GLI3: variants seen among roughly 807,000 people sequenced by gnomAD.
GLI3 encodes transcription activator GLI3.
GLI3 carries 20 observed loss-of-function variants against 100.8 expected under a neutral mutation model. That is an observed-to-expected ratio of 0.20 (90% CI 0.14 to 0.29). The LOEUF (loss-of-function observed/expected upper bound fraction) is 0.29. Ranked by LOEUF, GLI3 falls within the 10% of genes least tolerant of loss-of-function variation. GLI3 has a pLI of 1.00. For missense variants in GLI3, 2,040 were observed against 2,128.5 expected, an observed-to-expected ratio of 0.96 and a Z score of 0.82; for synonymous variants, 938 against 860.5, an observed-to-expected ratio of 1.09 and a Z score of -1.58.
chr7:42,095,763 G>A (rs2128759299), intron 3 of GLI3, among the ~76,000 whole-genome samples: 1 of 152,320 alleles, frequency 6.6e-6, no homozygotes, highest in African/African-American at 2.4e-5. Flanking sequence ...ACCACAGCCA[G>A]GCTCCTGGTA....
At chr7:42,106,800 T>C (rs1785586303) in intron 3 of GLI3, among the ~76,000 whole-genome samples, 1 of 152,054 alleles carries the variant, frequency 6.6e-6, no homozygotes, top group African/African-American at 2.4e-5. Context: ...CTCTGGGAAT[T>C]GTTTGCTATT....
chr7:42,072,362 C>T (rs558799637), intron 4 of GLI3, among the ~76,000 whole-genome samples: 195 of 152,232 alleles, frequency 1.3e-3, no homozygotes, highest in Non-Finnish European at 1.8e-3. Context: ...CAAGAAAAAT[C>T]CAAAATGAAT....
chr7:42,120,582 C>T (rs959426580), intron 3 of GLI3, among the ~76,000 whole-genome samples: 2 of 152,176 alleles, frequency 1.3e-5, no homozygotes, highest in Non-Finnish European at 2.9e-5. Flanking sequence ...CTGTTTATTA[C>T]CCCCTCTCCT....
At chr7:42,083,070 T>C (rs556233960) in intron 3 of GLI3, among the ~76,000 whole-genome samples, 4 of 152,328 alleles carry the variant, frequency 2.6e-5, no homozygotes, top group African/African-American at 9.6e-5. Flanking sequence ...CTCTTCATTA[T>C]TTTAAAATGT....
intron 3 of GLI3, among the ~76,000 whole-genome samples, chr7:42,097,848 G>T (rs1481067347): frequency 6.6e-6 from 1 of 152,074 alleles, no homozygotes; most frequent in African/African-American, 2.4e-5. Context: ...GTGGACAGAT[G>T]TCAGGGTATA....
chr7:42,033,959 G>C (rs540168106), intron 7 of GLI3, among the ~76,000 whole-genome samples: 6 of 152,152 alleles, frequency 3.9e-5, no homozygotes, highest in Non-Finnish European at 8.8e-5. Context: ...TATGCTCTCT[G>C]AATAATGCTT....
At chr7:41,968,743 AGAAAGAAAGAAAGAAAGAAG>A (rs1787277668) in intron 13 of GLI3, among the ~76,000 whole-genome samples, 127 of 129,814 alleles carry the variant, frequency 9.8e-4, no homozygotes, top group Non-Finnish European at 1.6e-3. Context: ...AAAGAAAGAA[AGAAAGAAAGAAAGAAAGAAG>A]GAAAGAAAGA....
At chr7:42,017,215 T>C (rs1788789414) in intron 10 of GLI3, among the ~76,000 whole-genome samples, 1 of 152,214 alleles carries the variant, frequency 6.6e-6, no homozygotes, top group Non-Finnish European at 1.5e-5. Context: ...TTCCCACTTG[T>C]CTGGAGTGGA....
chr7:42,060,996 A>G (rs1441612405), intron 4 of GLI3, among the ~76,000 whole-genome samples: 2 of 152,220 alleles, frequency 1.3e-5, no homozygotes, highest in Non-Finnish European at 2.9e-5. Flanking sequence ...TCATGTTTGT[A>G]TCATTTACAT....
intron 2 of GLI3, chr7:42,172,692 A>C (rs1423162060): frequency 4.3e-6 from 3 of 699,044 alleles, no homozygotes; most frequent in African/African-American, 1.8e-5. Flanking sequence ...GTTGCCTGGG[A>C]GAAGGGGATG....
Position 41,966,733 on chromosome 7 carries a change from C to T in GLI3, c.2432-92G>A, listed in dbSNP as rs979913477. ...ATGAGCAACCCTTTTCTGTAAAGGG[C>T]CAGCTAGGAACTATTTCTGGTGTCC... On this transcript the variant is annotated intron_variant, in intron 14 of 14. Transcript: ENST00000395925. The surrounding 1 kb of genome is among the most constrained non-coding windows in gnomAD (Gnocchi z 5.8). 3.1e-6 allele frequency: 4 copies of T among 1,287,498 alleles called. No homozygotes were observed. The highest frequency in any genetic ancestry group is 1.5e-5 in the African/African-American group (1 of 68,786). The allele number at this position is 1,287,498 out of a possible 1,614,324, so 79.8% of individuals were successfully genotyped here.
chr7:42,212,757 A>C (rs1788295143), intron 2 of GLI3, among the ~76,000 whole-genome samples: 1 of 152,240 alleles, frequency 6.6e-6, no homozygotes, highest in African/African-American at 2.4e-5. Context: ...TTTCAAGCTC[A>C]GATGGGATGG....
At chr7:42,175,947 G>A (rs1787471763) in intron 2 of GLI3, among the ~76,000 whole-genome samples, 1 of 152,060 alleles carries the variant, frequency 6.6e-6, no homozygotes, top group East Asian at 1.9e-4. Flanking sequence ...AGCAAAGCCA[G>A]AAATTAAGCC....
At chr7:42,071,223 G>A (rs1784778205) in intron 4 of GLI3, among the ~76,000 whole-genome samples, 1 of 151,942 alleles carries the variant, frequency 6.6e-6, no homozygotes, top group Non-Finnish European at 1.5e-5. Context: ...TTTTGGGGGG[G>A]CGGTGGGGAG....
intron 10 of GLI3, among the ~76,000 whole-genome samples, chr7:41,981,978 T>G (rs1787680886): frequency 6.6e-6 from 1 of 152,162 alleles, no homozygotes; most frequent in Admixed American, 6.5e-5. Flanking sequence ...ACACCCTTGC[T>G]GTTGTCTCCA....
At chr7:42,094,022 A>G (rs1393833485) in intron 3 of GLI3, among the ~76,000 whole-genome samples, 1 of 152,054 alleles carries the variant, frequency 6.6e-6, no homozygotes. Context: ...GAAGGGCGCA[A>G]AAGTCAAGCA....
chr7:42,040,388 G>C (rs1465636918), intron 6 of GLI3, 149 bp from the exon 7 acceptor site: 7 of 690,406 alleles, frequency 1.0e-5, no homozygotes, highest in African/African-American at 1.8e-5. Context: ...TGATCTACTA[G>C]CTACAGTTGA....
rs144857108 is a variant in GLI3 at position 42,113,740 on chromosome 7, C to T, written c.367+34486G>A. ...GTTTTACTTTAAGCTATGTTGTTAG[C>T]ACACAGAACACTTCATTGTTGTTTT... is the stretch of plus-strand genomic sequence containing the variant. On this transcript the variant is annotated intron_variant, in intron 3 of 14. Coordinates refer to ENST00000395925, the MANE Select transcript of GLI3 (RefSeq NM_000168.6). The T allele has an allele frequency of 1.5e-5, 9 of 587,174 alleles. No homozygotes were observed. In the East Asian group the frequency reaches 3.0e-4, roughly 19 times the overall value. The allele number at this position is 587,174 out of a possible 1,614,324, so 36.4% of individuals were successfully genotyped here. A position where few individuals can be genotyped will look rare whatever the true frequency, so the allele number is the denominator to read the frequency against.
chr7:41,997,358 C>A (rs1409470150), intron 10 of GLI3, among the ~76,000 whole-genome samples: 2 of 152,098 alleles, frequency 1.3e-5, no homozygotes, highest in African/African-American at 4.8e-5. Flanking sequence ...ACTTTACCAA[C>A]TTTGCAGGCT....
Sources: gnomAD v4.1 joint callset for allele counts (sites outside exome capture counted in the v4.1 genomes callset) on GRCh38, gnomAD v4.1.1 for gene constraint, Gnocchi (gnomAD v3.1) non-coding constraint, MANE v1.5 for transcripts, NCBI Gene and HGNC (gene_info 2026-07-23, HGNC 2026-07-21) for gene names.